Variants in ANGPT1 observed in about 807,000 individuals in gnomAD.
The protein encoded by ANGPT1 is angiopoietin-1.
ANGPT1 carries 17 observed loss-of-function variants against 62.2 expected under a neutral mutation model. That is an observed-to-expected ratio of 0.27 (90% confidence interval 0.19 to 0.41). ANGPT1 has a LOEUF of 0.41. ANGPT1 is among the 10% of genes least tolerant of loss of function. The pLI is 1.00. For missense variants in ANGPT1, 478 were observed against 594.9 expected, an observed-to-expected ratio of 0.80 and a Z score of 2.04; for synonymous variants, 199 against 198.9, an observed-to-expected ratio of 1.00 and a Z score of 0.00.
intron 1 of ANGPT1, among the ~76,000 whole-genome samples, chr8:107,395,462 A>T (rs898719609): frequency 2.0e-5 from 3 of 152,156 alleles, no homozygotes; most frequent in African/African-American, 7.2e-5. Flanking sequence ...TATATAATCC[A>T]CAAGTTTCAT....
At chr8:107,446,209 G>A (rs990907861) in intron 1 of ANGPT1, among the ~76,000 whole-genome samples, 3 of 152,122 alleles carry the variant, frequency 2.0e-5, no homozygotes, top group Non-Finnish European at 2.9e-5. Flanking sequence ...GAGCCACCAC[G>A]CCCGGCCAAT....
chr8:107,295,352 T>G (rs1239984702), intron 5 of ANGPT1: 2 of 152,168 alleles, frequency 1.3e-5, no homozygotes, highest in African/African-American at 4.8e-5. Flanking sequence ...CTTTAATTTC[T>G]GCACCTGCTC....
chr8:107,401,603 G>C (rs1817048914), intron 1 of ANGPT1, among the ~76,000 whole-genome samples: 2 of 152,180 alleles, frequency 1.3e-5, no homozygotes, highest in South Asian at 4.1e-4. Flanking sequence ...TGATTGATAG[G>C]CATTAGCCAA....
chr8:107,454,348 G>A (rs1466508717), intron 1 of ANGPT1, among the ~76,000 whole-genome samples: 1 of 152,056 alleles, frequency 6.6e-6, no homozygotes, highest in Non-Finnish European at 1.5e-5. Context: ...TTCAAGACAT[G>A]CTGCTATTGG....
At chr8:107,325,917 G>T (rs1035228713) in intron 3 of ANGPT1, among the ~76,000 whole-genome samples, 1 of 152,120 alleles carries the variant, frequency 6.6e-6, no homozygotes, top group African/African-American at 2.4e-5. Flanking sequence ...GCTGAGAATG[G>T]AAAGTAGATC....
chr8:107,375,793 G>A (rs1165998064), intron 1 of ANGPT1, among the ~76,000 whole-genome samples: 1 of 152,162 alleles, frequency 6.6e-6, no homozygotes. Flanking sequence ...TAGGAAGCAT[G>A]AGAAACACTG....
chr8:107,294,135 A>C, intron 5 of ANGPT1, 98 bp from the exon 6 acceptor site: 1 of 894,970 alleles, frequency 1.1e-6, no homozygotes, highest in Non-Finnish European at 1.7e-6. Context: ...ACAGGTCTGC[A>C]GATTACAAAA....
At chr8:107,358,348 G>A (rs1391634946) in intron 1 of ANGPT1, among the ~76,000 whole-genome samples, 1 of 150,548 alleles carries the variant, frequency 6.6e-6, no homozygotes, top group African/African-American at 2.5e-5. Flanking sequence ...AATGATTGCT[G>A]ACATCTTATA....
At chr8:107,453,976 A>G (rs1811849346) in intron 1 of ANGPT1, among the ~76,000 whole-genome samples, 1 of 152,108 alleles carries the variant, frequency 6.6e-6, no homozygotes, top group Admixed American at 6.6e-5. Context: ...TGTTAAGAAT[A>G]GGTATGGTTG....
intron 1 of ANGPT1, among the ~76,000 whole-genome samples, chr8:107,349,818 A>T: frequency 6.6e-6 from 1 of 152,134 alleles, no homozygotes; most frequent in East Asian, 1.9e-4. Context: ...AGTGTTCATC[A>T]AAACTACATG....
At chr8:107,453,341 T>A (rs1416618726) in intron 1 of ANGPT1, among the ~76,000 whole-genome samples, 1 of 152,052 alleles carries the variant, frequency 6.6e-6, no homozygotes. Context: ...TACCTGAGAC[T>A]GGACAATTTA....
intron 4 of ANGPT1, among the ~76,000 whole-genome samples, chr8:107,319,336 G>A (rs1021192883): frequency 6.6e-6 from 1 of 152,078 alleles, no homozygotes; most frequent in Non-Finnish European, 1.5e-5. Context: ...CCACAGATTA[G>A]TGGGTCAGAT....
chr8:107,400,451 C>CTGCTTGGACA (rs1817022680), intron 1 of ANGPT1, among the ~76,000 whole-genome samples: 1 of 152,176 alleles, frequency 6.6e-6, no homozygotes, highest in Admixed American at 6.5e-5. Flanking sequence ...CATCAAGCGT[C>CTGCTTGGACA]ACTGTCCATT....
chr8:107,474,141 G>T (rs1238255969), intron 1 of ANGPT1, among the ~76,000 whole-genome samples: 3 of 151,998 alleles, frequency 2.0e-5, no homozygotes, highest in Non-Finnish European at 2.9e-5. Context: ...CAAAAAAAGA[G>T]AATTTTAGAT....
At chr8:107,315,405 T>C (rs1814990665) in intron 4 of ANGPT1, among the ~76,000 whole-genome samples, 1 of 152,172 alleles carries the variant, frequency 6.6e-6, no homozygotes, top group Non-Finnish European at 1.5e-5. Flanking sequence ...GTTTCTTGAA[T>C]GCAGGTATAT....
intron 6 of ANGPT1, among the ~76,000 whole-genome samples, chr8:107,293,197 G>GTGA (rs5893837): frequency 0.3 from 44,261 of 148,520 alleles, 7,690 homozygotes; most frequent in East Asian, 0.4. Flanking sequence ...GAGAAGAACT[G>GTGA]TGATGATGAT....
intron 1 of ANGPT1, among the ~76,000 whole-genome samples, chr8:107,479,062 G>A (rs556025718): frequency 2.0e-5 from 3 of 151,970 alleles, no homozygotes; most frequent in East Asian, 3.9e-4. Flanking sequence ...GTGTCTTAAC[G>A]GTTCTGCCAC....
At chr8:107,288,190 T>C (rs536556765) in intron 6 of ANGPT1, among the ~76,000 whole-genome samples, 1 of 152,292 alleles carries the variant, frequency 6.6e-6, no homozygotes, top group East Asian at 1.9e-4. Context: ...CAAATGAGTA[T>C]TGTCATTTTA....
At chr8:107,455,249 T>C (rs1321163148) in intron 1 of ANGPT1, among the ~76,000 whole-genome samples, 1 of 152,102 alleles carries the variant, frequency 6.6e-6, no homozygotes, top group Admixed American at 6.6e-5. Flanking sequence ...CTGTTTCCTG[T>C]AAGTTTACTT....
Sources: gnomAD v4.1 joint callset for allele counts (sites outside exome capture counted in the v4.1 genomes callset) on GRCh38, gnomAD v4.1.1 for gene constraint, MANE v1.5 for transcripts, NCBI Gene and HGNC (gene_info 2026-07-23, HGNC 2026-07-21) for gene names.